The following LPIN1 variants were observed in gnomAD, a reference collection of about 807,000 sequenced individuals.
LPIN1 encodes phosphatidate phosphatase LPIN1.
A neutral mutation model predicts 107.5 loss-of-function variants in LPIN1; 71 were observed. That is an observed-to-expected ratio of 0.66 (90% CI 0.55 to 0.80). LPIN1 has a LOEUF of 0.80. Ranked by LOEUF, LPIN1 falls within the 30% of genes least tolerant of loss-of-function variation. The probability of loss-of-function intolerance (pLI) is 0.00; values close to 1 mark genes in which losing one functional copy is unlikely to be tolerated. For missense variants in LPIN1, 1,043 were observed against 1,160.6 expected (o/e 0.90, Z 1.47); for synonymous variants, 445 against 452.6 (o/e 0.98, Z 0.21).
In LPIN1 at chr2:11,820,467, C is replaced by T. The variant is rs753845680; in HGVS notation, c.2574C>T (p.Asn858=). ...GVSLNRIFTV[N]PKGELVQEHA... is the part of the protein sequence containing the mutation. ...CTTTGAATAGAATATTTACCGTCAACCCTAAAGGAGAGCTGGTACAGGAAC... is the reference window on the plus strand; with the variant it reads ...CTTTGAATAGAATATTTACCGTCAATCCTAAAGGAGAGCTGGTACAGGAAC... The change falls in exon 20 of 21, where the codon AAC becomes AAT. Residue 858 remains asparagine (N), a synonymous_variant. Transcript: ENST00000674199. 6.2e-7 allele frequency: 1 copy of T among 1,613,732 alleles called. No individual in the cohort carries two copies. The highest frequency in any genetic ancestry group is 2.2e-5 in the East Asian group (1 of 44,868).
upstream of LPIN1, among the ~76,000 whole-genome samples, chr2:11,720,030 A>G (rs1265364559): frequency 6.6e-6 from 1 of 151,832 alleles, no homozygotes; most frequent in East Asian, 1.9e-4. Flanking sequence ...GCTTGCTCCG[A>G]CTTGCTTGTC....
chr2:11,801,106 G>A (rs549255329), intron 14 of LPIN1, among the ~76,000 whole-genome samples: 42 of 152,290 alleles, frequency 2.8e-4, no homozygotes, highest in African/African-American at 5.5e-4. Flanking sequence ...AAAAAATAAC[G>A]AATGCTCACA....
chr2:11,776,559 C>T (rs1672708581), intron 6 of LPIN1, among the ~76,000 whole-genome samples: 1 of 151,664 alleles, frequency 6.6e-6, no homozygotes, highest in Admixed American at 6.6e-5. Context: ...ATATGATCTT[C>T]TGTTTTCTGT....
At chr2:11,680,577 G>T (rs1572287852) in intron 1 of LPIN1, among the ~76,000 whole-genome samples, 2 of 152,188 alleles carry the variant, frequency 1.3e-5, no homozygotes, top group Admixed American at 6.5e-5. Context: ...GCTGGAGGAG[G>T]CCTCTCTGAG....
At chr2:11,678,553 C>A (rs1236133088) in intron 1 of LPIN1, among the ~76,000 whole-genome samples, 2 of 152,092 alleles carry the variant, frequency 1.3e-5, no homozygotes, top group Non-Finnish European at 1.5e-5. Flanking sequence ...GCAGGGAGAC[C>A]CGGGGTTTTC....
chr2:11,784,134 G>A (rs1034008103), intron 9 of LPIN1: 5 of 838,932 alleles, frequency 6.0e-6, no homozygotes, highest in East Asian at 3.9e-5. Context: ...GTGAATCCTC[G>A]TTCTACTGAA....
chr2:11,703,398 T>C (rs4669773), intron 1 of LPIN1, among the ~76,000 whole-genome samples: 149,998 of 152,208 alleles, frequency 0.99, 73,956 homozygotes, highest in East Asian at 1. Context: ...ACGCAACTGC[T>C]CTGAGAGCCC....
rs560420132 is a variant in LPIN1, at chr2:11,710,299, C to A, written c.82-3457C>A. Among the ~76,000 whole-genome samples, 30 of 151,898 alleles carry A rather than the reference C, an allele frequency of 2.0e-4. 1 individual carries two copies. The highest frequency in any genetic ancestry group is 4.0e-4 in the Non-Finnish European group (27 of 67,946). On this transcript the variant is annotated intron_variant, in intron 1 of 21. Transcript: ENST00000449576. ...GTGGGTGGGGACACAAATATTTAAT[C>A]CATAGCGTCACATAAGTCTATGTTA... is the stretch of plus-strand genomic sequence containing the variant.
At chr2:11,725,029 A>G (rs1664465869) in intron 1 of LPIN1, among the ~76,000 whole-genome samples, 1 of 152,204 alleles carries the variant, frequency 6.6e-6, no homozygotes, top group Admixed American at 6.5e-5. Context: ...AGGGAGGCCG[A>G]GGCGGGCGGA....
intron 17 of LPIN1, among the ~76,000 whole-genome samples, chr2:11,806,644 T>G (rs73915576): frequency 0.013 from 2,041 of 152,326 alleles, 36 homozygotes; most frequent in African/African-American, 0.046. Flanking sequence ...GGTTTGACTT[T>G]ACTTTTCTAG....
chr2:11,700,452 T>TTC (rs796098266), intron 1 of LPIN1, among the ~76,000 whole-genome samples: 2 of 151,484 alleles, frequency 1.3e-5, no homozygotes, highest in Admixed American at 6.6e-5. Context: ...ATTTCTCATT[T>TTC]TCTCTCTCTC....
chr2:11,695,157 A>G (rs1383052316), intron 1 of LPIN1, among the ~76,000 whole-genome samples: 1 of 152,224 alleles, frequency 6.6e-6, no homozygotes, highest in African/African-American at 2.4e-5. Flanking sequence ...CAAATATAAT[A>G]TATCGAACAA....
chr2:11,750,309 C>T (rs568787229), intron 1 of LPIN1, among the ~76,000 whole-genome samples: 1 of 152,298 alleles, frequency 6.6e-6, no homozygotes, highest in African/African-American at 2.4e-5. Context: ...AAACAATGTC[C>T]CACCATTGGA....
chr2:11,798,105 A>G (rs1377106318), intron 14 of LPIN1, among the ~76,000 whole-genome samples: 1 of 152,194 alleles, frequency 6.6e-6, no homozygotes, highest in Non-Finnish European at 1.5e-5. Flanking sequence ...TGCCCTGTGA[A>G]GAAGGCACCT....
chr2:11,787,803 C>T (rs1456629314), intron 11 of LPIN1, among the ~76,000 whole-genome samples: 5 of 151,872 alleles, frequency 3.3e-5, no homozygotes, highest in Admixed American at 6.6e-5. Flanking sequence ...TAGCTGGGCG[C>T]GGTGGCGGGC....
Position 11,771,251 on chromosome 2 carries a change from G to T in LPIN1, c.289-121G>T. 1 of 923,840 alleles carries T rather than the reference G, an allele frequency of 1.1e-6. No individual in the cohort carries two copies. The highest frequency in any genetic ancestry group is 1.7e-6 in the Non-Finnish European group (1 of 575,990). The allele number at this position is 923,840 out of a possible 1,614,324, so 57.2% of individuals were successfully genotyped here. On this transcript the variant is annotated intron_variant, in intron 3 of 20. Transcript: ENST00000674199. This position sits in a 1 kb window ranked among gnomAD's most constrained non-coding sequence, Gnocchi z 4.8. ...GCTGTGGCCTCTAGCTGGGCCATCT[G>T]CTGTGGCCCTCCCCAGGAGGTGCTT...
At chr2:11,705,313 A>G (rs1663073722) in intron 1 of LPIN1, among the ~76,000 whole-genome samples, 1 of 152,238 alleles carries the variant, frequency 6.6e-6, no homozygotes, top group African/African-American at 2.4e-5. Flanking sequence ...TTATTTTTCC[A>G]TTCAACAAGT....
chr2:11,730,811 G>A (rs1665114500), intron 1 of LPIN1, among the ~76,000 whole-genome samples: 1 of 152,158 alleles, frequency 6.6e-6, no homozygotes, highest in African/African-American at 2.4e-5. Context: ...AGTTTGGTTT[G>A]TCAGAGGAAT....
chr2:11,680,024 G>A (rs536708948), intron 1 of LPIN1, among the ~76,000 whole-genome samples: 1 of 152,346 alleles, frequency 6.6e-6, no homozygotes, highest in East Asian at 1.9e-4. Context: ...TGGATGGCAG[G>A]GAGGGCTGGG....
Sources: allele counts gnomAD v4.1 joint callset (sites outside exome capture counted in the v4.1 genomes callset), GRCh38; gene constraint gnomAD v4.1.1; non-coding constraint Gnocchi (gnomAD v3.1); transcripts MANE v1.5; gene names NCBI Gene and HGNC (gene_info 2026-07-23, HGNC 2026-07-21).